TIMP2: variants seen among roughly 807,000 people sequenced by gnomAD.
TIMP2 encodes the protein metalloproteinase inhibitor 2.
Under a neutral mutation model 24.3 loss-of-function variants are expected in TIMP2, and 5 were observed. That is an observed-to-expected ratio of 0.21 (90% CI 0.11 to 0.43). The LOEUF is 0.43. Among genes scored for constraint, TIMP2 ranks in the 20% least tolerant of loss-of-function variants. TIMP2 has a pLI of 1.00. For missense variants in TIMP2, 221 were observed against 297.5 expected (o/e 0.74, Z 1.89); for synonymous variants, 130 against 123.2 (o/e 1.06, Z -0.37).
At chr17:78,908,542 C>A (rs968222399) in intron 1 of TIMP2, among the ~76,000 whole-genome samples, 1 of 152,138 alleles carries the variant, frequency 6.6e-6, no homozygotes, top group Non-Finnish European at 1.5e-5. Flanking sequence ...CCCAGAGACT[C>A]GAGCCAGGAT....
In TIMP2 at chr17:78,896,026, C is replaced by T. The variant is rs934829694; in HGVS notation, c.131-22107G>A. Among the ~76,000 whole-genome samples, 7 of 152,238 alleles carry T rather than the reference C, an allele frequency of 4.6e-5. No individual in the cohort carries two copies. The highest frequency in any genetic ancestry group is 8.8e-5 in the Non-Finnish European group (6 of 68,044). ...AGCAGCGTCAGTTTTCCTGGAGACACGCAAACGGGTAAAAACTTAACACAT... is the reference window on the plus strand; with the variant it reads ...AGCAGCGTCAGTTTTCCTGGAGACATGCAAACGGGTAAAAACTTAACACAT... On this transcript the variant is annotated intron_variant, in intron 1 of 4. Transcript: ENST00000262768. This position sits in a 1 kb window ranked among gnomAD's most constrained non-coding sequence, Gnocchi z 4.4.
rs1197304690 is a variant in TIMP2 at position 78,854,965 on chromosome 17, A to G, written c.*702T>C. ...GGGTGGGTGCAGACCAAAAAGACTC[A>G]GCTGAGGCTGGAACGCAGCTCAGCT... On this transcript the variant is annotated 3_prime_UTR_variant, in exon 5 of 5. Transcript: ENST00000262768. 2 of 148,500 alleles carry G rather than the reference A, an allele frequency of 1.3e-5. No homozygotes were observed. Among genetic ancestry groups the G allele is most frequent in the East Asian group, 4.0e-4 (2 of 5,022 alleles). The allele number at this position is 148,500 out of a possible 1,614,324, so 9.2% of individuals were successfully genotyped here.
chr17:78,895,840 T>TCA, intron 1 of TIMP2, among the ~76,000 whole-genome samples: 1 of 152,094 alleles, frequency 6.6e-6, no homozygotes, highest in East Asian at 1.9e-4. Flanking sequence ...GCCCCAAGGT[T>TCA]CACAGTCTAT....
Position 78,891,832 on chromosome 17 carries a change from C to T in TIMP2, c.131-17913G>A, listed in dbSNP as rs1831302620. 6.4e-7 allele frequency: 1 copy of T among 1,550,826 alleles called. No homozygotes were observed. The highest frequency in any genetic ancestry group is 8.7e-7 in the Non-Finnish European group (1 of 1,147,052). On this transcript the variant is annotated intron_variant, in intron 1 of 4. Coordinates refer to ENST00000262768, the MANE Select transcript of TIMP2 (RefSeq NM_003255.5). This position sits in a 1 kb window ranked among gnomAD's most constrained non-coding sequence, Gnocchi z 4.5. ...ACTTGGTCGAAGGTTCTGGCCTTCCCTTTCTCTTCTCAGGCGGGGCCAGGT... is the reference window on the plus strand; with the variant it reads ...ACTTGGTCGAAGGTTCTGGCCTTCCTTTTCTCTTCTCAGGCGGGGCCAGGT...
At chr17:78,864,447 C>T (rs779214721) in intron 3 of TIMP2, among the ~76,000 whole-genome samples, 1 of 143,176 alleles carries the variant, frequency 7.0e-6, no homozygotes, top group Non-Finnish European at 1.5e-5. Flanking sequence ...CTTGCTATAT[C>T]GTCCAGGCTG....
At position 78,863,542 on chromosome 17, in the gene TIMP2, G is replaced by A. The variant is rs149197834; in HGVS notation, c.341-5896C>T. Among the ~76,000 whole-genome samples, 82 of 152,308 alleles carry A rather than the reference G, an allele frequency of 5.4e-4. No individual in the cohort carries two copies. In the East Asian group the frequency reaches 0.015, roughly 28 times the overall value. ...CAGGCGTCAGCCACTGCGCTGGGCTGTTTTTAACTTTTTAACTAAAGCTCT... is the reference window on the plus strand; with the variant it reads ...CAGGCGTCAGCCACTGCGCTGGGCTATTTTTAACTTTTTAACTAAAGCTCT... On this transcript the variant is annotated intron_variant, in intron 3 of 4. Coordinates refer to ENST00000262768, the MANE Select transcript of TIMP2 (RefSeq NM_003255.5).
In TIMP2 at chr17:78,920,211, C is replaced by T. The variant is rs1265035210; in HGVS notation, c.130+4748G>A. Among the ~76,000 whole-genome samples, 1 of 152,156 alleles carries T rather than the reference C, an allele frequency of 6.6e-6. No homozygotes were observed. The highest frequency in any genetic ancestry group is 1.5e-5 in the Non-Finnish European group (1 of 68,020). On this transcript the variant is annotated intron_variant, in intron 1 of 4. Coordinates refer to ENST00000262768, the MANE Select transcript of TIMP2 (RefSeq NM_003255.5). This position sits in a 1 kb window ranked among gnomAD's most constrained non-coding sequence, Gnocchi z 4.5. ...CCCTGTTCTCCATGTGCTCAGATGT[C>T]GCCACAGAGTCTGAACCTCTCAGCC...
At chr17:78,911,001 T>C (rs1350290219) in intron 1 of TIMP2, among the ~76,000 whole-genome samples, 2 of 152,184 alleles carry the variant, frequency 1.3e-5, no homozygotes, top group African/African-American at 4.8e-5. Flanking sequence ...TGCTGGATCA[T>C]ATGGCCGTTC....
intron 1 of TIMP2, among the ~76,000 whole-genome samples, chr17:78,874,410 C>A (rs1960129): frequency 0.92 from 139,222 of 152,102 alleles, 63,791 homozygotes; most frequent in Admixed American, 0.93. Context: ...CCTCCAGCCA[C>A]GGCCTATTGG....
At chr17:78,879,969 G>T (rs899352020) in intron 1 of TIMP2, among the ~76,000 whole-genome samples, 1 of 152,050 alleles carries the variant, frequency 6.6e-6, no homozygotes, top group Non-Finnish European at 1.5e-5. Context: ...GATCCAAAGA[G>T]GATGGGCTAC....
At chr17:78,911,867 G>A (rs1412232037) in intron 1 of TIMP2, among the ~76,000 whole-genome samples, 1 of 136,382 alleles carries the variant, frequency 7.3e-6, no homozygotes, top group Non-Finnish European at 1.5e-5. Flanking sequence ...CCAACATGGT[G>A]AAACCCTATC....
intron 1 of TIMP2, among the ~76,000 whole-genome samples, chr17:78,885,102 C>T (rs1182859238): frequency 6.6e-6 from 1 of 152,248 alleles, no homozygotes; most frequent in Non-Finnish European, 1.5e-5. Context: ...TGCTGCTCCC[C>T]GTCCAAGCCT....
At chr17:78,890,779 C>G in intron 1 of TIMP2, 9 of 1,550,586 alleles carry the variant, frequency 5.8e-6, no homozygotes, top group Non-Finnish European at 7.8e-6. Context: ...GGCTGGTGCC[C>G]GATGGGGAAG....
At chr17:78,889,089 CA>C (rs1383905670) in intron 1 of TIMP2, among the ~76,000 whole-genome samples, 2 of 152,234 alleles carry the variant, frequency 1.3e-5, no homozygotes, top group Non-Finnish European at 2.9e-5. Context: ...CTTTCATTTA[CA>C]TCTCATCTGT....
At chr17:78,867,997 T>C (rs1298489193) in intron 3 of TIMP2, among the ~76,000 whole-genome samples, 1 of 152,204 alleles carries the variant, frequency 6.6e-6, no homozygotes, top group Admixed American at 6.5e-5. Flanking sequence ...AACATCTGTG[T>C]GCTCCATGAT....
intron 1 of TIMP2, among the ~76,000 whole-genome samples, chr17:78,908,841 G>A (rs140917852): frequency 0.019 from 2,860 of 152,326 alleles, 46 homozygotes; most frequent in Non-Finnish European, 0.028. Flanking sequence ...TCACAAGGGA[G>A]AGTCAGGCCA....
At position 78,891,099 on chromosome 17, in the gene TIMP2, C is replaced by A. The variant is rs2069884669; in HGVS notation, c.131-17180G>T. 6.4e-7 allele frequency: 1 copy of A among 1,550,694 alleles called. No individual in the cohort carries two copies. The highest frequency in any genetic ancestry group is 8.7e-7 in the Non-Finnish European group (1 of 1,147,034). ...AGTTTGGGGGTCTCTTGTCCAGATT[C>A]AGTGCTATACAATAATGAGTCCTCT... is the stretch of plus-strand genomic sequence containing the variant. On this transcript the variant is annotated intron_variant, in intron 1 of 4. Transcript: ENST00000262768. The surrounding 1 kb of genome is among the most constrained non-coding windows in gnomAD (Gnocchi z 4.5).
rs1352438898 is a variant in TIMP2, at chr17:78,891,468, CA to C, written c.131-17550del. 2.6e-6 allele frequency: 4 copies of C among 1,551,170 alleles called. No individual in the cohort carries two copies. Among genetic ancestry groups the C allele is most frequent in the Non-Finnish European group, 3.5e-6 (4 of 1,147,120 alleles). On this transcript the variant is annotated intron_variant, in intron 1 of 4. Transcript: ENST00000262768. This position sits in a 1 kb window ranked among gnomAD's most constrained non-coding sequence, Gnocchi z 4.5. ...TTTCTGTTTATATTAAACAACTCTTCAAAGGCCAACTCCAGCTCTTTCTGCC... is the reference window on the plus strand; with the variant it reads ...TTTCTGTTTATATTAAACAACTCTTCAAGGCCAACTCCAGCTCTTTCTGCC...
At chr17:78,911,877 C>T (rs557686381) in intron 1 of TIMP2, among the ~76,000 whole-genome samples, 4 of 141,760 alleles carry the variant, frequency 2.8e-5, no homozygotes, top group Non-Finnish European at 6.0e-5. Flanking sequence ...GAAACCCTAT[C>T]TCTACTAAAA....
Sources: allele counts gnomAD v4.1 joint callset (sites outside exome capture counted in the v4.1 genomes callset), GRCh38; gene constraint gnomAD v4.1.1; non-coding constraint Gnocchi (gnomAD v3.1); transcripts MANE v1.5; gene names NCBI Gene and HGNC (gene_info 2026-07-23, HGNC 2026-07-21).